Variants in PPFIA2 observed in about 807,000 individuals in gnomAD.
PPFIA2 encodes liprin-alpha-2.
PPFIA2 carries 46 observed loss-of-function variants against 175.5 expected under a neutral mutation model. The observed-to-expected ratio is 0.26, with a 90% CI of 0.21 to 0.34. PPFIA2 has a LOEUF of 0.34. PPFIA2 is among the 10% of genes least tolerant of loss of function. PPFIA2 has a pLI of 1.00. For synonymous variants in PPFIA2, 568 were observed against 511.4 expected, an observed-to-expected ratio of 1.11 and a Z score of -1.49; for missense variants, 1,179 against 1,506.1, an observed-to-expected ratio of 0.78 and a Z score of 3.60.
intron 22 of PPFIA2, among the ~76,000 whole-genome samples, chr12:81,315,642 G>GTGTC (rs1380214643): frequency 2.6e-5 from 4 of 151,748 alleles, no homozygotes; most frequent in Admixed American, 2.0e-4. Context: ...ACCATGAAGA[G>GTGTC]TGTCTGACTT....
chr12:81,409,265 T>G (rs2043471562), intron 7 of PPFIA2, among the ~76,000 whole-genome samples: 1 of 152,112 alleles, frequency 6.6e-6, no homozygotes, highest in Non-Finnish European at 1.5e-5. Context: ...AAAACTAACG[T>G]AGGTCTGGAT....
intron 4 of PPFIA2, among the ~76,000 whole-genome samples, chr12:81,661,503 C>A (rs2153547908): frequency 6.6e-6 from 1 of 152,270 alleles, no homozygotes; most frequent in East Asian, 1.9e-4. Context: ...AGCTAACTAT[C>A]CTAGATATAT....
At chr12:81,486,337 A>G (rs2058818100) in intron 4 of PPFIA2, among the ~76,000 whole-genome samples, 1 of 151,934 alleles carries the variant, frequency 6.6e-6, no homozygotes, top group Non-Finnish European at 1.5e-5. Flanking sequence ...GTTCAGTTTA[A>G]TCACTAAGAC....
At chr12:81,372,374 T>C (rs1223618070) in intron 11 of PPFIA2, among the ~76,000 whole-genome samples, 1 of 151,338 alleles carries the variant, frequency 6.6e-6, no homozygotes, top group Non-Finnish European at 1.5e-5. Flanking sequence ...ATTAAGAATA[T>C]CATTCAAAAT....
intron 7 of PPFIA2, among the ~76,000 whole-genome samples, chr12:81,415,635 T>G (rs547069744): frequency 2.0e-5 from 3 of 149,916 alleles, no homozygotes; most frequent in Middle Eastern, 3.7e-3. Flanking sequence ...GAAATCTTCC[T>G]AAAACAGTAA....
At chr12:81,747,222 A>T (rs1165043474) in intron 3 of PPFIA2, among the ~76,000 whole-genome samples, 1 of 144,140 alleles carries the variant, frequency 6.9e-6, no homozygotes, top group Non-Finnish European at 1.6e-5. Context: ...CTTCTCTTTT[A>T]CAGGTAAGGG....
chr12:81,721,909 T>C (rs1206002242), intron 3 of PPFIA2, among the ~76,000 whole-genome samples: 2 of 151,144 alleles, frequency 1.3e-5, no homozygotes, highest in South Asian at 2.1e-4. Context: ...CAGTGAGATA[T>C]AACAGTGTCT....
intron 3 of PPFIA2, among the ~76,000 whole-genome samples, chr12:81,746,176 C>T (rs7137360): frequency 0.24 from 34,865 of 143,360 alleles, 8,541 homozygotes; most frequent in Middle Eastern, 0.34. Context: ...AATGGCATAG[C>T]GGGAGTGTTC....
At chr12:81,526,836 C>G (rs1480611865) in intron 4 of PPFIA2, among the ~76,000 whole-genome samples, 1 of 152,122 alleles carries the variant, frequency 6.6e-6, no homozygotes, top group Non-Finnish European at 1.5e-5. Context: ...TCATTGATAT[C>G]TATTTTAATT....
chr12:81,329,271 C>T (rs2055568742), intron 21 of PPFIA2, among the ~76,000 whole-genome samples: 1 of 152,132 alleles, frequency 6.6e-6, no homozygotes, highest in Non-Finnish European at 1.5e-5. Context: ...GGTTTGAGTC[C>T]CATGATTCAG....
intron 2 of PPFIA2, among the ~76,000 whole-genome samples, chr12:81,756,925 T>C (rs2084770454): frequency 6.6e-6 from 1 of 152,176 alleles, no homozygotes; most frequent in South Asian, 2.1e-4. Flanking sequence ...ATAAGATGAA[T>C]ATATGCTGCT....
At chr12:81,504,273 C>T (rs543504232) in intron 4 of PPFIA2, among the ~76,000 whole-genome samples, 5 of 152,116 alleles carry the variant, frequency 3.3e-5, no homozygotes, top group African/African-American at 1.2e-4. Context: ...TATCTAGAAT[C>T]TACAAGGAAC....
chr12:81,627,405 A>T (rs1198361770), intron 4 of PPFIA2, among the ~76,000 whole-genome samples: 1 of 152,092 alleles, frequency 6.6e-6, no homozygotes, highest in Non-Finnish European at 1.5e-5. Flanking sequence ...GTACCCCATA[A>T]ATATGTGCAA....
chr12:81,723,069 T>TA (rs1304934090), intron 3 of PPFIA2, among the ~76,000 whole-genome samples: 1 of 151,126 alleles, frequency 6.6e-6, no homozygotes, highest in Non-Finnish European at 1.5e-5. Flanking sequence ...ATTTAAAGTC[T>TA]AAAGGCACAA....
chr12:81,582,005 G>A (rs2074489544), intron 4 of PPFIA2, among the ~76,000 whole-genome samples: 1 of 151,842 alleles, frequency 6.6e-6, no homozygotes, highest in African/African-American at 2.4e-5. Flanking sequence ...AACGTTTCAA[G>A]TTTAGATATA....
chr12:81,312,046 G>T, intron 22 of PPFIA2: 2 of 942,206 alleles, frequency 2.1e-6, no homozygotes, highest in Non-Finnish European at 3.2e-6. Flanking sequence ...TTTCATTTCA[G>T]GTCAGAGGCA....
At chr12:81,501,879 G>T (rs1473788104) in intron 4 of PPFIA2, among the ~76,000 whole-genome samples, 1 of 152,102 alleles carries the variant, frequency 6.6e-6, no homozygotes, top group African/African-American at 2.4e-5. Context: ...GATCAAAGGA[G>T]AAATTGAAAG....
intron 4 of PPFIA2, among the ~76,000 whole-genome samples, chr12:81,659,709 G>A (rs1321016705): frequency 6.6e-6 from 1 of 152,122 alleles, no homozygotes; most frequent in East Asian, 1.9e-4. Context: ...AGACAGTACT[G>A]GTTCTCCCAG....
intron 3 of PPFIA2, among the ~76,000 whole-genome samples, chr12:81,738,158 A>G (rs1175717474): frequency 6.6e-6 from 1 of 151,946 alleles, no homozygotes; most frequent in Non-Finnish European, 1.5e-5. Flanking sequence ...AAACAATTAA[A>G]TTGACACCTG....
Sources: allele counts gnomAD v4.1 joint callset (sites outside exome capture counted in the v4.1 genomes callset), GRCh38; gene constraint gnomAD v4.1.1; transcripts MANE v1.5; gene names NCBI Gene and HGNC (gene_info 2026-07-23, HGNC 2026-07-21).